Variants in PIEZO2 observed in about 807,000 individuals in gnomAD.
PIEZO2 encodes the protein piezo-type mechanosensitive ion channel component 2.
In PIEZO2, 172 loss-of-function variants were observed where a neutral mutation model predicts 337.3. The ratio of observed to expected loss-of-function variants is 0.51; its 90% CI spans 0.45 to 0.58. The LOEUF (loss-of-function observed/expected upper bound fraction) is 0.58. PIEZO2 is among the 20% of genes least tolerant of loss of function. PIEZO2 has a pLI of 0.00. For synonymous variants in PIEZO2, 1,251 were observed against 1,228.5 expected, an observed-to-expected ratio of 1.02 and a Z score of -0.38; for missense variants, 3,028 against 3,391.3, an observed-to-expected ratio of 0.89 and a Z score of 2.66.
Position 11,143,094 on chromosome 18 carries a change from G to T in PIEZO2, c.64+5431C>A, listed in dbSNP as rs1287549261. 2.0e-5 allele frequency among the ~76,000 whole-genome samples: 3 copies of T among 152,022 alleles called. No individual in the cohort carries two copies. Among genetic ancestry groups the T allele is most frequent in the Admixed American group, 2.0e-4 (3 of 15,266 alleles). ...ACTCCGTCTCAAAAAAAAGAAAAAA[G>T]AAAAAGAAAAAGTTTTCCAATATTT... On this transcript the variant is annotated intron_variant, in intron 1 of 55. Coordinates refer to ENST00000674853, the MANE Select transcript of PIEZO2 (RefSeq NM_001378183.1). This position sits in a 1 kb window ranked among gnomAD's most constrained non-coding sequence, Gnocchi z 4.9.
In PIEZO2 at chr18:11,073,946, A is replaced by C. The variant is rs559632987; in HGVS notation, c.65-7724T>G. On this transcript the variant is annotated intron_variant, in intron 1 of 55. Coordinates refer to ENST00000674853, the MANE Select transcript of PIEZO2 (RefSeq NM_001378183.1). ...GCTGCAACCTCCACCTCTTGGGTTCAAGTGATTCTCCTGCCTCAGCCTCCT... is the reference window on the plus strand; with the variant it reads ...GCTGCAACCTCCACCTCTTGGGTTCCAGTGATTCTCCTGCCTCAGCCTCCT... Among the ~76,000 whole-genome samples the C allele has an allele frequency of 4.6e-3, 695 of 150,442 alleles. 3 individuals carry two copies. Among genetic ancestry groups the C allele is most frequent in the African/African-American group, 0.016 (674 of 41,076 alleles).
intron 7 of PIEZO2, among the ~76,000 whole-genome samples, chr18:10,816,503 T>C (rs1256509587): frequency 1.3e-5 from 2 of 152,166 alleles, no homozygotes; most frequent in Non-Finnish European, 2.9e-5. Flanking sequence ...TTAATTGAAA[T>C]TATCAATCAA....
chr18:10,788,943 G>T, intron 15 of PIEZO2, 136 bp downstream of exon 15: 1 of 1,049,664 alleles, frequency 9.5e-7, no homozygotes, highest in Non-Finnish European at 1.3e-6. Context: ...TAGGATTCTT[G>T]GGATACGATG....
chr18:10,807,647 G>C (rs1357131671), intron 7 of PIEZO2, among the ~76,000 whole-genome samples: 1 of 152,154 alleles, frequency 6.6e-6, no homozygotes, highest in Non-Finnish European at 1.5e-5. Flanking sequence ...GAAATGCCAA[G>C]TATGTGGTAA....
At position 11,130,672 on chromosome 18, in the gene PIEZO2, T is replaced by C. The variant is rs553059124; in HGVS notation, c.64+17853A>G. ...ACTTCAGGTAAAACTAAATTTTACC[T>C]CAGTACAATTTCTAGGGGTCCAGTG... On this transcript the variant is annotated intron_variant, in intron 1 of 55. Coordinates refer to ENST00000674853, the MANE Select transcript of PIEZO2 (RefSeq NM_001378183.1). Among the ~76,000 whole-genome samples the C allele has an allele frequency of 2.0e-5, 3 of 152,324 alleles. No homozygotes were observed. In the East Asian group the frequency reaches 5.8e-4, roughly 29 times the overall value.
intron 52 of PIEZO2, among the ~76,000 whole-genome samples, chr18:10,678,525 T>C (rs914799927): frequency 6.6e-6 from 1 of 152,164 alleles, no homozygotes; most frequent in African/African-American, 2.4e-5. Flanking sequence ...TAATTCTAAC[T>C]AACAAGTCAC....
In PIEZO2 at chr18:10,979,691, A is replaced by G; in HGVS notation, c.161-31T>C. The G allele has an allele frequency of 6.6e-7, 1 of 1,508,288 alleles. No individual in the cohort carries two copies. Among genetic ancestry groups the G allele is most frequent in the Non-Finnish European group, 8.9e-7 (1 of 1,128,154 alleles). The allele number at this position is 1,508,288 out of a possible 1,614,324, so 93.4% of individuals were successfully genotyped here. ...GGATAAAAAGTGCAGAGATTGTGAGAGAGCTTAAGATGAAACACACTGGTG... is the reference window on the plus strand; with the variant it reads ...GGATAAAAAGTGCAGAGATTGTGAGGGAGCTTAAGATGAAACACACTGGTG... On this transcript the variant is annotated intron_variant, in intron 2 of 55. Transcript: ENST00000674853. The surrounding 1 kb of genome is among the most constrained non-coding windows in gnomAD (Gnocchi z 4.0).
At chr18:11,014,432 G>A (rs149014093) in intron 2 of PIEZO2, among the ~76,000 whole-genome samples, 2,599 of 148,842 alleles carry the variant, frequency 0.017, 38 homozygotes, top group Non-Finnish European at 0.025. Context: ...CAGCGATCCG[G>A]AGCCCCTCAT....
Position 11,048,773 on chromosome 18 carries a change from A to G in PIEZO2, c.160+17354T>C, listed in dbSNP as rs555912739. 1.3e-5 allele frequency among the ~76,000 whole-genome samples: 2 copies of G among 152,370 alleles called. No individual in the cohort carries two copies. The highest frequency in any genetic ancestry group is 4.8e-5 in the African/African-American group (2 of 41,586). ...CTGTCTCATGGGTATGGAAGCATTA[A>G]ATGAATTACTATGTAGAAAGCTTGG... On this transcript the variant is annotated intron_variant, in intron 2 of 55. Coordinates refer to ENST00000674853, the MANE Select transcript of PIEZO2 (RefSeq NM_001378183.1). The surrounding 1 kb of genome is among the most constrained non-coding windows in gnomAD (Gnocchi z 4.5).
At position 10,936,669 on chromosome 18, in the gene PIEZO2, G is replaced by A. The variant is rs145101199; in HGVS notation, c.287-25441C>T. On this transcript the variant is annotated intron_variant, in intron 3 of 55. Coordinates refer to ENST00000674853, the MANE Select transcript of PIEZO2 (RefSeq NM_001378183.1). ...GCTAGAATTCCAGTGCTTGAATGTAGGAAGGAAACAGTCAGATGTCATCGC... is the reference window on the plus strand; with the variant it reads ...GCTAGAATTCCAGTGCTTGAATGTAAGAAGGAAACAGTCAGATGTCATCGC... Among the ~76,000 whole-genome samples the A allele has an allele frequency of 4.0e-3, 602 of 152,276 alleles. 4 individuals carry two copies. Among genetic ancestry groups the A allele is most frequent in the African/African-American group, 0.013 (540 of 41,546 alleles).
chr18:10,849,033 A>C (rs1159105573), intron 7 of PIEZO2, among the ~76,000 whole-genome samples: 1 of 152,086 alleles, frequency 6.6e-6, no homozygotes, highest in Non-Finnish European at 1.5e-5. Flanking sequence ...TTGAGACAGA[A>C]TCTCGCTCTG....
intron 1 of PIEZO2, among the ~76,000 whole-genome samples, chr18:11,130,997 T>A (rs2040325037): frequency 6.6e-6 from 1 of 152,200 alleles, no homozygotes. Flanking sequence ...CAGATAGGGA[T>A]GCTGTTTGGA....
intron 43 of PIEZO2, 102 bp downstream of exon 43, chr18:10,701,887 C>T: frequency 9.9e-7 from 1 of 1,005,936 alleles, no homozygotes; most frequent in Non-Finnish European, 1.4e-6. Flanking sequence ...GGCCCCTCAG[C>T]CCCATCACCA....
intron 2 of PIEZO2, among the ~76,000 whole-genome samples, chr18:11,023,680 G>A (rs1220287211): frequency 2.0e-5 from 3 of 152,190 alleles, no homozygotes; most frequent in African/African-American, 2.4e-5. Flanking sequence ...GTCCCTGTTC[G>A]GGCACTGTGG....
intron 2 of PIEZO2, among the ~76,000 whole-genome samples, chr18:11,054,028 T>G (rs2037629473): frequency 6.6e-6 from 1 of 151,978 alleles, no homozygotes; most frequent in Non-Finnish European, 1.5e-5. Context: ...CATCTCAAAA[T>G]AAACAAATAA....
rs965480337 is a variant in PIEZO2 at position 10,846,118 on chromosome 18, G to C, written c.917+9235C>G. 6.6e-6 allele frequency among the ~76,000 whole-genome samples: 1 copy of C among 152,200 alleles called. No individual in the cohort carries two copies. The highest frequency in any genetic ancestry group is 1.5e-5 in the Non-Finnish European group (1 of 68,034). On this transcript the variant is annotated intron_variant, in intron 7 of 55. Coordinates refer to ENST00000674853, the MANE Select transcript of PIEZO2 (RefSeq NM_001378183.1). This position sits in a 1 kb window ranked among gnomAD's most constrained non-coding sequence, Gnocchi z 4.1. ...TATATTAGTCCATTGTCACACTGCT[G>C]AAAGTGACATACCCAAGACTTGGCA...
intron 44 of PIEZO2, 40 bp from the exon 45 acceptor site, chr18:10,697,920 T>A: frequency 6.4e-7 from 1 of 1,563,986 alleles, no homozygotes; most frequent in Non-Finnish European, 8.7e-7. Context: ...TGGTGGAGCC[T>A]GGGGTTTGTT....
chr18:11,133,074 G>A (rs1196194606), intron 1 of PIEZO2, among the ~76,000 whole-genome samples: 3 of 152,184 alleles, frequency 2.0e-5, no homozygotes, highest in Non-Finnish European at 4.4e-5. Context: ...CCATGACCAC[G>A]TGACCAGCTG....
chr18:10,705,260 C>CTGTATA, intron 41 of PIEZO2, 76 bp downstream of exon 41: 2 of 1,419,316 alleles, frequency 1.4e-6, no homozygotes, highest in Non-Finnish European at 9.2e-7. Context: ...ATGAATTTTT[C>CTGTATA]TGTATACAGA....
Sources: allele counts gnomAD v4.1 joint callset (sites outside exome capture counted in the v4.1 genomes callset), GRCh38; gene constraint gnomAD v4.1.1; non-coding constraint Gnocchi (gnomAD v3.1); transcripts MANE v1.5; gene names NCBI Gene and HGNC (gene_info 2026-07-23, HGNC 2026-07-21).